The following PVT1 variants were observed in gnomAD, a reference collection of about 807,000 sequenced individuals.
PVT1 encodes Pvt1 oncogene.
intron 2 of PVT1, among the ~76,000 whole-genome samples, chr8:127,812,830 G>A (rs1814613719): frequency 6.6e-6 from 1 of 152,104 alleles, no homozygotes; most frequent in African/African-American, 2.4e-5. Context: ...AACTCAGTAA[G>A]TCTCTGGCTG....
chr8:127,956,051 C>A (rs1816565664), intron 3 of PVT1, among the ~76,000 whole-genome samples: 2 of 152,224 alleles, frequency 1.3e-5, no homozygotes, highest in Admixed American at 1.3e-4. Context: ...ACAGAGATAG[C>A]CTGGGTTAGT....
intron 4 of PVT1, among the ~76,000 whole-genome samples, chr8:128,000,578 T>C (rs1817164181): frequency 6.6e-6 from 1 of 152,226 alleles, no homozygotes; most frequent in Non-Finnish European, 1.5e-5. Flanking sequence ...AGGCCCAGAA[T>C]GGCCAGACCT....
rs1365079992 is a variant in PVT1 at position 127,881,912 on chromosome 8, G to A, written n.373-8677G>A. On this transcript the variant is annotated intron_variant and non_coding_transcript_variant, in intron 2 of 10. Coordinates refer to ENST00000651587, the Ensembl canonical transcript of PVT1. ...GCGCCACCACTGCCAGCTAATTTTT[G>A]TATTTTTTGTAGAGATATGGTTTCA... is the stretch of plus-strand genomic sequence containing the variant. Among the ~76,000 whole-genome samples the A allele has an allele frequency of 5.3e-5, 8 of 152,058 alleles. No individual in the cohort carries two copies. The East Asian group carries it at 1.2e-3, about 22-fold the overall frequency.
intron 2 of PVT1, among the ~76,000 whole-genome samples, chr8:127,867,518 G>A (rs1003979356): frequency 2.0e-5 from 3 of 152,224 alleles, no homozygotes; most frequent in South Asian, 2.1e-4. Context: ...CCGCTGGGGA[G>A]GGCTCTGCTG....
At chr8:127,827,024 T>C (rs1814797461) in intron 2 of PVT1, among the ~76,000 whole-genome samples, 1 of 120,192 alleles carries the variant, frequency 8.3e-6, no homozygotes, top group Admixed American at 1.0e-4. Context: ...AGATGGAGTT[T>C]TGCTCTTGTT....
chr8:127,939,587 T>A (rs1330675721), intron 3 of PVT1: 2 of 152,222 alleles, frequency 1.3e-5, no homozygotes, highest in African/African-American at 4.8e-5. Flanking sequence ...GTACTTTAAG[T>A]GGAGGCTGAA....
chr8:128,050,003 G>C (rs74812654), intron 4 of PVT1, among the ~76,000 whole-genome samples: 1,781 of 152,252 alleles, frequency 0.012, 27 homozygotes, highest in African/African-American at 0.04. Context: ...GGAGATGACC[G>C]ATGATCACGT....
intron 3 of PVT1, among the ~76,000 whole-genome samples, chr8:127,964,526 C>T (rs1272824123): frequency 2.0e-5 from 3 of 152,134 alleles, no homozygotes; most frequent in Admixed American, 6.5e-5. Flanking sequence ...TAACAAATTT[C>T]GACAGATTTG....
chr8:128,029,158 T>C lies in PVT1; in HGVS notation n.912+39867T>C, dbSNP rs570540379. Among the ~76,000 whole-genome samples, 7 of 152,114 alleles carry C rather than the reference T, an allele frequency of 4.6e-5. No homozygotes were observed. In the South Asian group the frequency reaches 1.5e-3, roughly 32 times the overall value. ...CATGGCTGGCTAATTTTTTATTTGA[T>C]TTTATTTTTTGTAGAGTGCAGTGGC... On this transcript the variant is annotated intron_variant and non_coding_transcript_variant, in intron 4 of 10. Transcript: ENST00000651587.
intron 2 of PVT1, among the ~76,000 whole-genome samples, chr8:127,888,745 G>A (rs1815558048): frequency 6.6e-6 from 1 of 152,174 alleles, no homozygotes; most frequent in African/African-American, 2.4e-5. Context: ...TTAGAAGCTT[G>A]GAAAAGCAAG....
chr8:127,983,090 G>A (rs1258803167), intron 3 of PVT1, among the ~76,000 whole-genome samples: 1 of 152,132 alleles, frequency 6.6e-6, no homozygotes, highest in Non-Finnish European at 1.5e-5. Flanking sequence ...TGATCTTGGG[G>A]CTGGCTGCTG....
intron 2 of PVT1, among the ~76,000 whole-genome samples, chr8:127,856,351 T>A (rs561618731): frequency 2.6e-4 from 40 of 151,792 alleles, no homozygotes; most frequent in East Asian, 1.6e-3. Flanking sequence ...ACGTATATAT[T>A]TTTTTTTCTT....
At chr8:127,868,359 T>C (rs1242254053) in intron 2 of PVT1, among the ~76,000 whole-genome samples, 1 of 152,068 alleles carries the variant, frequency 6.6e-6, no homozygotes, top group African/African-American at 2.4e-5. Flanking sequence ...TTTTACCAAT[T>C]TCCTGTCACT....
chr8:127,877,940 C>A (rs1217034699), intron 2 of PVT1, among the ~76,000 whole-genome samples: 2 of 151,892 alleles, frequency 1.3e-5, no homozygotes, highest in Non-Finnish European at 2.9e-5. Flanking sequence ...AAACAACAAC[C>A]CCCCTCCCCC....
At chr8:127,961,274 G>T (rs780112775) in intron 3 of PVT1, among the ~76,000 whole-genome samples, 2 of 152,230 alleles carry the variant, frequency 1.3e-5, no homozygotes, top group Non-Finnish European at 2.9e-5. Flanking sequence ...CAAGATCAGA[G>T]GGAGGTCCAA....
At chr8:128,011,758 A>AG (rs1817317069) in intron 4 of PVT1, among the ~76,000 whole-genome samples, 1 of 152,212 alleles carries the variant, frequency 6.6e-6, no homozygotes. Context: ...TGAAAGGCTG[A>AG]GAAGAGGTCA....
chr8:128,078,131 A>G (rs936528938), intron 5 of PVT1, among the ~76,000 whole-genome samples: 4 of 152,178 alleles, frequency 2.6e-5, no homozygotes, highest in Non-Finnish European at 5.9e-5. Context: ...CCTGTCCACG[A>G]TTAGAAATGT....
chr8:127,820,393 C>A (rs770511484), intron 2 of PVT1, among the ~76,000 whole-genome samples: 2 of 152,212 alleles, frequency 1.3e-5, no homozygotes, highest in African/African-American at 4.8e-5. Context: ...TGTTGCCCAG[C>A]TGTTGAGTGG....
intron 3 of PVT1, among the ~76,000 whole-genome samples, chr8:127,925,325 A>G (rs961091922): frequency 1.3e-5 from 2 of 152,238 alleles, no homozygotes; most frequent in Non-Finnish European, 2.9e-5. Context: ...AATCAAGATG[A>G]AAAATCAAAA....
Sources: allele counts gnomAD v4.1 joint callset (sites outside exome capture counted in the v4.1 genomes callset), GRCh38; gene constraint gnomAD v4.1.1; transcripts MANE v1.5; gene names NCBI Gene and HGNC (gene_info 2026-07-23, HGNC 2026-07-21).